Variants in SLC25A25 observed in about 807,000 individuals in gnomAD.
SLC25A25 encodes solute carrier family 25 member 25.
Under a neutral mutation model 57.7 loss-of-function variants are expected in SLC25A25, and 32 were observed. That is an observed-to-expected ratio of 0.55 (90% CI 0.42 to 0.74). The LOEUF is 0.74. Ranked by LOEUF, SLC25A25 falls within the 30% of genes least tolerant of loss-of-function variation. The probability of loss-of-function intolerance (pLI) is 0.00; values close to 1 mark genes in which losing one functional copy is unlikely to be tolerated. For missense variants in SLC25A25, 556 were observed against 701.3 expected (o/e 0.79, Z 2.34); for synonymous variants, 306 against 291.2 (o/e 1.05, Z -0.52).
chr9:128,106,523 G>A lies in SLC25A25; in HGVS notation c.1212+3G>A, dbSNP rs1433064826. 1 of 1,597,906 alleles carries A rather than the reference G, an allele frequency of 6.3e-7. No individual in the cohort carries two copies. Among genetic ancestry groups the A allele is most frequent in the Non-Finnish European group, 8.5e-7 (1 of 1,174,702 alleles). ...GCATCGACCTTGCAGTCTACGAGGTGAGGCCCAAGCTGGACAGATTTAGAA... is the reference window on the plus strand; with the variant it reads ...GCATCGACCTTGCAGTCTACGAGGTAAGGCCCAAGCTGGACAGATTTAGAA... On this transcript the variant is annotated splice_donor_region_variant and intron_variant, in intron 9 of 10. Coordinates refer to ENST00000373069, the MANE Select transcript of SLC25A25 (RefSeq NM_001330988.2).
At chr9:128,091,949 C>T (rs748573997) in intron 1 of SLC25A25, 10 of 1,613,592 alleles carry the variant, frequency 6.2e-6, no homozygotes, top group Middle Eastern at 1.6e-4. Context: ...GGGGGACGAT[C>T]GTGAAGTCAG....
At chr9:128,100,591 C>T (rs1040632978) in intron 1 of SLC25A25, among the ~76,000 whole-genome samples, 5 of 152,176 alleles carry the variant, frequency 3.3e-5, no homozygotes, top group Admixed American at 2.6e-4. Flanking sequence ...AAATTATTCT[C>T]GGACCAATGC....
In SLC25A25 at chr9:128,107,168, T is replaced by A. The variant is rs1285535953; in HGVS notation, c.1352T>A (p.Met451Lys). The change falls in exon 10 of 11, where the codon ATG (methionine) becomes AAG (lysine). Residue 451 changes from methionine (M) to lysine (K), a missense_variant. By Grantham distance (95) the Met-to-Lys change is moderately conservative. Coordinates refer to ENST00000373069, the MANE Select transcript of SLC25A25 (RefSeq NM_001330988.2). ...SYPLALVRTRMQAQASIEGAP... is the reference protein window; with the variant it reads ...SYPLALVRTRKQAQASIEGAP... ...CCCCTGGCCCTAGTCAGGACCCGGA[T>A]GCAGGCGCAAGGTAAGGCTGGCCCT... The A allele has an allele frequency of 3.1e-6, 5 of 1,613,752 alleles. No homozygotes were observed. Among genetic ancestry groups the A allele is most frequent in the Non-Finnish European group, 4.2e-6 (5 of 1,180,022 alleles).
At position 128,101,983 on chromosome 9, in the gene SLC25A25, C is replaced by A. The variant is rs1833817187; in HGVS notation, c.477-97C>A. ...GGCTCGTCTCGTGCCGTGCTGTGCCCCTGTCTCTGGGTGTGTGCTTGCTTC... is the reference window on the plus strand; with the variant it reads ...GGCTCGTCTCGTGCCGTGCTGTGCCACTGTCTCTGGGTGTGTGCTTGCTTC... On this transcript the variant is annotated intron_variant, in intron 3 of 10. Coordinates refer to ENST00000373069, the MANE Select transcript of SLC25A25 (RefSeq NM_001330988.2). The surrounding 1 kb of genome is among the most constrained non-coding windows in gnomAD (Gnocchi z 4.9). The A allele has an allele frequency of 1.4e-6, 2 of 1,405,254 alleles. No individual in the cohort carries two copies. The highest frequency in any genetic ancestry group is 2.0e-6 in the Non-Finnish European group (2 of 1,018,468). 87.0% of individuals were successfully genotyped at this position (1,405,254 alleles called of 1,614,324 possible). A position where few individuals can be genotyped will look rare whatever the true frequency, so the allele number is the denominator to read the frequency against.
intron 1 of SLC25A25, chr9:128,092,205 G>C: frequency 7.4e-7 from 1 of 1,343,814 alleles, no homozygotes; most frequent in Non-Finnish European, 1.0e-6. Flanking sequence ...TCGGGGTTCA[G>C]GGAGAAGTGG....
intron 1 of SLC25A25, among the ~76,000 whole-genome samples, chr9:128,074,759 A>C (rs1192000528): frequency 6.6e-6 from 1 of 152,120 alleles, no homozygotes; most frequent in Non-Finnish European, 1.5e-5. Flanking sequence ...ATGGCACTTT[A>C]TGAGGCTGAG....
chr9:128,100,998 G>A (rs532401931), intron 1 of SLC25A25, 98 bp from the exon 2 acceptor site: 5 of 1,538,206 alleles, frequency 3.3e-6, no homozygotes, highest in African/African-American at 1.4e-5. Context: ...AGCTCTGCTC[G>A]CAATTAGTGA....
At chr9:128,106,950 A>C in intron 9 of SLC25A25, 79 bp from the exon 10 acceptor site, 1 of 1,529,646 alleles carries the variant, frequency 6.5e-7, no homozygotes, top group South Asian at 1.2e-5. Flanking sequence ...CAGTGGCCTG[A>C]GGACCCAGTA....
intron 8 of SLC25A25, 23 bp from the exon 9 acceptor site, chr9:128,106,330 G>A (rs375202635): frequency 8.1e-5 from 130 of 1,613,722 alleles, no homozygotes; most frequent in Middle Eastern, 3.3e-4. Context: ...GTGCTCACGC[G>A]TCCCGCTGCT....
Position 128,102,068 on chromosome 9 carries a change from T to C in SLC25A25, c.477-12T>C. 4.5e-6 allele frequency: 7 copies of C among 1,550,530 alleles called. No individual in the cohort carries two copies. Among genetic ancestry groups the C allele is most frequent in the Non-Finnish European group, 6.1e-6 (7 of 1,146,940 alleles). On this transcript the variant is annotated splice_polypyrimidine_tract_variant and intron_variant, in intron 3 of 10. Coordinates refer to ENST00000373069, the MANE Select transcript of SLC25A25 (RefSeq NM_001330988.2). This position sits in a 1 kb window ranked among gnomAD's most constrained non-coding sequence, Gnocchi z 4.1. ...TCTGCTCTCTCCTCCGCATCCTTTGTCTGTCTGTCAGAATACGAACGGGCC... is the reference window on the plus strand; with the variant it reads ...TCTGCTCTCTCCTCCGCATCCTTTGCCTGTCTGTCAGAATACGAACGGGCC...
rs1343620694 is a variant in SLC25A25 at position 128,102,134 on chromosome 9, C to A, written c.512+19C>A. On this transcript the variant is annotated intron_variant, in intron 4 of 10. Coordinates refer to ENST00000373069, the MANE Select transcript of SLC25A25 (RefSeq NM_001330988.2). This position sits in a 1 kb window ranked among gnomAD's most constrained non-coding sequence, Gnocchi z 4.1. Reference sequence around the variant, plus strand: ...TCACCTAGTAAGTATCCATGTCGCTCATGACTGCCTCCCTTGACTTCCATG... The same window carrying A: ...TCACCTAGTAAGTATCCATGTCGCTAATGACTGCCTCCCTTGACTTCCATG... 1 of 1,550,558 alleles carries A rather than the reference C, an allele frequency of 6.4e-7. No individual in the cohort carries two copies. The highest frequency in any genetic ancestry group is 1.2e-5 in the South Asian group (1 of 84,060).
At chr9:128,085,336 A>G (rs1833251920) in intron 1 of SLC25A25, among the ~76,000 whole-genome samples, 1 of 151,960 alleles carries the variant, frequency 6.6e-6, no homozygotes, top group African/African-American at 2.4e-5. Context: ...CGTCTCAAAA[A>G]AAAAAAAAGA....
chr9:128,108,576 A>G lies in SLC25A25; in HGVS notation c.*1132A>G, dbSNP rs1834145071. 4.4e-6 allele frequency: 1 copy of G among 229,802 alleles called. No homozygotes were observed. Among genetic ancestry groups the G allele is most frequent in the Non-Finnish European group, 8.4e-6 (1 of 119,470 alleles). The allele number at this position is 229,802 out of a possible 1,614,324, so 14.2% of individuals were successfully genotyped here. Reference sequence around the variant, plus strand: ...CTATTTTTATAGATTTGTTTAATTAATAGCTTGTCATTTTCAAGTTCATTT... The same window carrying G: ...CTATTTTTATAGATTTGTTTAATTAGTAGCTTGTCATTTTCAAGTTCATTT... On this transcript the variant is annotated 3_prime_UTR_variant, in exon 11 of 11. Transcript: ENST00000373069.
At chr9:128,100,471 G>C (rs1168459803) in intron 1 of SLC25A25, among the ~76,000 whole-genome samples, 1 of 152,214 alleles carries the variant, frequency 6.6e-6, no homozygotes, top group African/African-American at 2.4e-5. Flanking sequence ...GCTTCCCTGA[G>C]AGCAGGGACT....
chr9:128,086,328 ATTTT>A (rs35134996), intron 1 of SLC25A25, among the ~76,000 whole-genome samples: 1 of 95,428 alleles, frequency 1.0e-5, no homozygotes, highest in African/African-American at 3.9e-5. Flanking sequence ...TACTCGGCTA[ATTTT>A]TTTTTTTTTT....
chr9:128,088,179 G>A (rs892585156), intron 1 of SLC25A25, among the ~76,000 whole-genome samples: 1 of 152,122 alleles, frequency 6.6e-6, no homozygotes, highest in South Asian at 2.1e-4. Flanking sequence ...TTTGTTGGGC[G>A]GAACAAGGAC....
intron 1 of SLC25A25, among the ~76,000 whole-genome samples, chr9:128,077,853 C>G (rs577443663): frequency 1.3e-5 from 2 of 151,978 alleles, no homozygotes; most frequent in East Asian, 1.9e-4. Flanking sequence ...TGTAGAAACC[C>G]CAGCTCTACT....
chr9:128,104,536 G>A (rs1266805666), intron 6 of SLC25A25, among the ~76,000 whole-genome samples: 1 of 152,176 alleles, frequency 6.6e-6, no homozygotes, highest in African/African-American at 2.4e-5. Context: ...CCCTCTTGTG[G>A]CCTTGAGCAA....
chr9:128,100,370 A>G (rs1354900733), intron 1 of SLC25A25, among the ~76,000 whole-genome samples: 1 of 152,024 alleles, frequency 6.6e-6, no homozygotes, highest in Non-Finnish European at 1.5e-5. Flanking sequence ...TTGGAACCTC[A>G]TTGCCAAGGA....
Sources: gnomAD v4.1 joint callset for allele counts (sites outside exome capture counted in the v4.1 genomes callset) on GRCh38, gnomAD v4.1.1 for gene constraint, Gnocchi (gnomAD v3.1) non-coding constraint, MANE v1.5 for transcripts, NCBI Gene and HGNC (gene_info 2026-07-23, HGNC 2026-07-21) for gene names.